NVL: variants seen among roughly 807,000 people sequenced by gnomAD.
NVL encodes the protein nuclear valosin-containing protein-like.
A neutral mutation model predicts 110.2 loss-of-function variants in NVL; 84 were observed. The ratio of observed to expected loss-of-function variants is 0.76; its 90% CI spans 0.64 to 0.91. NVL has a LOEUF of 0.91. Ranked by LOEUF, NVL falls within the 40% of genes least tolerant of loss-of-function variation. The pLI is 0.00. For missense variants in NVL, 882 were observed against 1,035.9 expected (o/e 0.85, Z 2.04); for synonymous variants, 354 against 361.1 (o/e 0.98, Z 0.22).
intron 8 of NVL, 83 bp from the exon 9 acceptor site, chr1:224,303,940 A>T (rs1473212712): frequency 6.9e-7 from 1 of 1,441,918 alleles, no homozygotes; most frequent in Non-Finnish European, 9.3e-7. Context: ...GGAGCAGTGA[A>T]ATGGAGTAGA....
chr1:224,243,164 A>G (rs1020171612), intron 19 of NVL, among the ~76,000 whole-genome samples: 1 of 152,000 alleles, frequency 6.6e-6, no homozygotes, highest in Non-Finnish European at 1.5e-5. Flanking sequence ...GTCGACTGTG[A>G]AAAATTAATG....
intron 4 of NVL, chr1:224,312,497 C>T (rs753470037): frequency 1.3e-5 from 2 of 152,238 alleles, no homozygotes; most frequent in African/African-American, 4.8e-5. Context: ...AACTTCAGGA[C>T]ACTGCTAGTA....
At chr1:224,261,286 G>A (rs764895947) in intron 18 of NVL, among the ~76,000 whole-genome samples, 1 of 152,140 alleles carries the variant, frequency 6.6e-6, no homozygotes, top group African/African-American at 2.4e-5. Context: ...GATTACAGGT[G>A]TGAGCCACCA....
At chr1:224,294,744 A>C (rs1289219787) in intron 11 of NVL, among the ~76,000 whole-genome samples, 2 of 152,202 alleles carry the variant, frequency 1.3e-5, no homozygotes, top group African/African-American at 4.8e-5. Flanking sequence ...CAACTGAGGA[A>C]TAAGGGAGGG....
chr1:224,316,173 C>CA (rs546100044), intron 4 of NVL, among the ~76,000 whole-genome samples: 30 of 150,690 alleles, frequency 2.0e-4, no homozygotes, highest in African/African-American at 3.7e-4. Context: ...GACTCTGTCT[C>CA]AAAAAAAACA....
intron 15 of NVL, among the ~76,000 whole-genome samples, chr1:224,281,591 C>T (rs543354097): frequency 2.6e-5 from 4 of 151,628 alleles, no homozygotes; most frequent in East Asian, 2.0e-4. Flanking sequence ...TGAGCTACTG[C>T]GCCTAGCCCT....
chr1:224,254,870 T>C (rs1276907479), intron 18 of NVL, among the ~76,000 whole-genome samples: 2 of 134,884 alleles, frequency 1.5e-5, no homozygotes, highest in African/African-American at 2.7e-5. Flanking sequence ...ACTTTTAAAA[T>C]GGTGTAGTTT....
chr1:224,231,123 A>G (rs1659831293), intron 22 of NVL, 103 bp downstream of exon 22: 1 of 756,468 alleles, frequency 1.3e-6, no homozygotes, highest in Non-Finnish European at 2.2e-6. Context: ...ACAGAGCAAG[A>G]CTCCGTCTCA....
intron 18 of NVL, among the ~76,000 whole-genome samples, chr1:224,259,093 ATT>A (rs924104794): frequency 8.3e-5 from 12 of 144,000 alleles, no homozygotes; most frequent in Admixed American, 4.2e-4. Flanking sequence ...GGTGATGAAC[ATT>A]TTTTTTTTTT....
intron 4 of NVL, among the ~76,000 whole-genome samples, chr1:224,313,965 T>C (rs1008612909): frequency 1.3e-5 from 2 of 152,170 alleles, no homozygotes; most frequent in Non-Finnish European, 2.9e-5. Context: ...ATCGCACCAC[T>C]GGACTCCAGC....
At chr1:224,281,264 C>T (rs2102593495) in intron 15 of NVL, 79 bp from the exon 16 acceptor site, 2 of 1,129,306 alleles carry the variant, frequency 1.8e-6, no homozygotes, top group Non-Finnish European at 1.3e-6. Flanking sequence ...TGATGTGTGA[C>T]AATGAAAGGA....
At chr1:224,253,106 G>C (rs769022574) in intron 18 of NVL, among the ~76,000 whole-genome samples, 1 of 151,700 alleles carries the variant, frequency 6.6e-6, no homozygotes, top group African/African-American at 2.4e-5. Flanking sequence ...AGTGCAGTGG[G>C]GCGATCTCGG....
At chr1:224,233,324 G>C in intron 20 of NVL, 35 bp from the exon 21 acceptor site, 1 of 1,509,518 alleles carries the variant, frequency 6.6e-7, no homozygotes, top group Non-Finnish European at 8.9e-7. Flanking sequence ...CTTATTCTTA[G>C]ATACTGCAAA....
intron 18 of NVL, among the ~76,000 whole-genome samples, chr1:224,257,795 C>T (rs893231003): frequency 6.6e-6 from 1 of 152,148 alleles, no homozygotes; most frequent in African/African-American, 2.4e-5. Flanking sequence ...CCATGTTGGC[C>T]TCCCAAAGTG....
intron 19 of NVL, among the ~76,000 whole-genome samples, chr1:224,243,159 CTG>C (rs1440504502): frequency 6.6e-6 from 1 of 151,780 alleles, no homozygotes; most frequent in Non-Finnish European, 1.5e-5. Context: ...ACACAGTCGA[CTG>C]TGAAAAATTA....
At position 224,259,960 on chromosome 1, in the gene NVL, G is replaced by A. The variant is rs546099101; in HGVS notation, c.2182+8074C>T. On this transcript the variant is annotated intron_variant, in intron 18 of 22. Transcript: ENST00000281701. ...GCTGGGATTACAGGCATGAGCCATC[G>A]CATCCAGCCGTAAACAAATAATTAT... is the stretch of plus-strand genomic sequence containing the variant. 3.3e-5 allele frequency among the ~76,000 whole-genome samples: 5 copies of A among 151,460 alleles called. No homozygotes were observed. In the South Asian group the frequency reaches 1.0e-3, roughly 32 times the overall value.
intron 10 of NVL, among the ~76,000 whole-genome samples, chr1:224,300,091 T>G (rs1374133823): frequency 6.6e-6 from 1 of 152,228 alleles, no homozygotes; most frequent in African/African-American, 2.4e-5. Flanking sequence ...CATTTAATAC[T>G]CTCAATAGCC....
intron 19 of NVL, among the ~76,000 whole-genome samples, chr1:224,247,418 C>A (rs1661976959): frequency 6.6e-6 from 1 of 151,944 alleles, no homozygotes; most frequent in Admixed American, 6.6e-5. Context: ...GTTTGTAATC[C>A]CAGCACTTTG....
At position 224,303,880 on chromosome 1, in the gene NVL, A is replaced by G. The variant is rs770960753; in HGVS notation, c.826-23T>C. On this transcript the variant is annotated intron_variant, in intron 8 of 22. Coordinates refer to ENST00000281701, the MANE Select transcript of NVL (RefSeq NM_002533.4). ...CTCCTAGCAGAGGATAAGCACAAAG[A>G]TGTCTTTCAAGACAGAACAATCAAA... 1.3e-5 allele frequency: 21 copies of G among 1,591,900 alleles called. No homozygotes were observed. The African/African-American group carries it at 2.4e-4, about 18-fold the overall frequency.
Sources: allele counts gnomAD v4.1 joint callset (sites outside exome capture counted in the v4.1 genomes callset), GRCh38; gene constraint gnomAD v4.1.1; transcripts MANE v1.5; gene names NCBI Gene and HGNC (gene_info 2026-07-23, HGNC 2026-07-21).